RBM34: variants seen among roughly 807,000 people sequenced by gnomAD.
RBM34 encodes RNA-binding protein 34.
A neutral mutation model predicts 44.6 loss-of-function variants in RBM34; 39 were observed. That is an observed-to-expected ratio of 0.87 (90% CI 0.68 to 1.14). RBM34 has a LOEUF of 1.14. RBM34 is among the 50% of genes most tolerant of loss of function. RBM34 has a pLI of 0.00. For missense variants in RBM34, 572 were observed against 517.9 expected, an observed-to-expected ratio of 1.10 and a Z score of -1.01; for synonymous variants, 194 against 184.0, an observed-to-expected ratio of 1.05 and a Z score of -0.44.
In RBM34 at chr1:235,144,102, AGGT is replaced by A. The variant is rs1407431515; in HGVS notation, c.701+4299_701+4301del. On this transcript the variant is annotated intron_variant, in intron 6 of 10. Coordinates refer to ENST00000408888, the MANE Select transcript of RBM34 (RefSeq NM_015014.4). Reference sequence around the variant, plus strand: ...TGAGGCAGAAGGACTGCTTGAGCCCAGGTGATAAGGCTGCCGTGAGCCATTATC... The same window carrying A: ...TGAGGCAGAAGGACTGCTTGAGCCCAGATAAGGCTGCCGTGAGCCATTATC... Among the ~76,000 whole-genome samples, 4 of 152,130 alleles carry A rather than the reference AGGT, an allele frequency of 2.6e-5. No individual in the cohort carries two copies. In the East Asian group the frequency reaches 7.8e-4, roughly 29 times the overall value.
In RBM34 at chr1:235,155,842, T is replaced by TACATAC. The variant is rs1553275336; in HGVS notation, c.366-731_366-730insGTATGT. On this transcript the variant is annotated intron_variant, in intron 3 of 10. Coordinates refer to ENST00000408888, the MANE Select transcript of RBM34 (RefSeq NM_015014.4). ...ATATACATATATATATATATATATA[T>TACATAC]ATATATATATATATATATATATATA... Among the ~76,000 whole-genome samples, 38 of 26,300 alleles carry TACATAC rather than the reference T, an allele frequency of 1.4e-3. 1 individual carries two copies. The highest frequency in any genetic ancestry group is 6.7e-3 in the African/African-American group (37 of 5,556). 17.3% of individuals were successfully genotyped at this position (26,300 alleles called of 152,430 possible). A position where few individuals can be genotyped will look rare whatever the true frequency, so the allele number is the denominator to read the frequency against.
chr1:235,161,045 G>C lies in RBM34; in HGVS notation c.76C>G (p.Arg26Gly). The change falls in exon 2 of 11, where the codon CGC becomes GGC. Residue 26 changes from arginine to glycine, a missense_variant. By Grantham distance (125) the Arg-to-Gly change is moderately radical. Transcript: ENST00000408888. ...QEGENPDDGV[R>G]GSPPEDYRLG... ...CTGTAGTCTTCCGGCGGACTCCCGC[G>C]AACGCCGTCGTCAGGATTCTCTCTA... 2.5e-6 allele frequency: 4 copies of C among 1,613,892 alleles called. No individual in the cohort carries two copies. Among genetic ancestry groups the C allele is most frequent in the Non-Finnish European group, 3.4e-6 (4 of 1,179,850 alleles).
At chr1:235,152,955 G>A (rs1194591269) in intron 4 of RBM34, among the ~76,000 whole-genome samples, 190 bp from the exon 5 acceptor site, 9 of 145,220 alleles carry the variant, frequency 6.2e-5, no homozygotes, top group Non-Finnish European at 1.2e-4. Flanking sequence ...TGCAACCTCC[G>A]CCCCCACGGC....
At chr1:235,148,854 T>C (rs1218781250) in intron 5 of RBM34, among the ~76,000 whole-genome samples, 3 of 151,752 alleles carry the variant, frequency 2.0e-5, no homozygotes, top group Non-Finnish European at 4.4e-5. Context: ...CACCTTGGCC[T>C]CCCAAAGTGC....
At position 235,147,621 on chromosome 1, in the gene RBM34, G is replaced by T. The variant is rs971887994; in HGVS notation, c.701+783C>A. On this transcript the variant is annotated intron_variant, in intron 6 of 10. Coordinates refer to ENST00000408888, the MANE Select transcript of RBM34 (RefSeq NM_015014.4). Reference sequence around the variant, plus strand: ...ATGAGGAAAAACCGGCGAAGACCTGGTCGGCCAAATAACTCCAAATGAAGA... The same window carrying T: ...ATGAGGAAAAACCGGCGAAGACCTGTTCGGCCAAATAACTCCAAATGAAGA... Among the ~76,000 whole-genome samples, 8 of 152,240 alleles carry T rather than the reference G, an allele frequency of 5.3e-5. No homozygotes were observed. The East Asian group carries it at 1.5e-3, about 29-fold the overall frequency.
At chr1:235,150,866 G>A (rs937789137) in intron 5 of RBM34, among the ~76,000 whole-genome samples, 4 of 152,154 alleles carry the variant, frequency 2.6e-5, no homozygotes, top group African/African-American at 9.7e-5. Flanking sequence ...TAGAGACTGG[G>A]GAGAATCAAG....
chr1:235,158,494 C>T (rs1415085833), intron 3 of RBM34, among the ~76,000 whole-genome samples: 1 of 73,932 alleles, frequency 1.4e-5, no homozygotes, highest in Non-Finnish European at 2.7e-5. Context: ...GGCACAGTCC[C>T]TAAAAAGGCA....
intron 6 of RBM34, among the ~76,000 whole-genome samples, chr1:235,148,030 G>A (rs947435448): frequency 1.3e-5 from 2 of 152,126 alleles, no homozygotes; most frequent in African/African-American, 4.8e-5. Flanking sequence ...TCACAGGCTG[G>A]CAGTATACCC....
chr1:235,149,461 T>C (rs1438787724), intron 5 of RBM34, among the ~76,000 whole-genome samples: 1 of 152,006 alleles, frequency 6.6e-6, no homozygotes, highest in African/African-American at 2.4e-5. Flanking sequence ...TATCGTGTAT[T>C]CTAATAAATT....
chr1:235,146,199 G>A (rs1383886794), intron 6 of RBM34, among the ~76,000 whole-genome samples: 7 of 151,970 alleles, frequency 4.6e-5, no homozygotes, highest in Non-Finnish European at 1.0e-4. Flanking sequence ...GCCCACCTTG[G>A]CCTCTAATGG....
intron 10 of RBM34, among the ~76,000 whole-genome samples, chr1:235,134,745 G>GT (rs775688608): frequency 0.012 from 1,580 of 136,798 alleles, 10 homozygotes; most frequent in South Asian, 0.021. Context: ...TCGTTTTCGG[G>GT]TTTTTTTTTT....
At chr1:235,160,751 G>C in intron 2 of RBM34, 104 bp from the exon 3 acceptor site, 2 of 1,494,596 alleles carry the variant, frequency 1.3e-6, no homozygotes, top group South Asian at 2.5e-5. Flanking sequence ...TCTCTCACTG[G>C]TATGTAAGAG....
At chr1:235,145,147 A>G (rs1024982074) in intron 6 of RBM34, among the ~76,000 whole-genome samples, 1 of 152,236 alleles carries the variant, frequency 6.6e-6, no homozygotes, top group Non-Finnish European at 1.5e-5. Context: ...CCACAGATCA[A>G]TAAGACTAAT....
At chr1:235,137,828 T>C (rs1661490279) in intron 8 of RBM34, 49 bp downstream of exon 8, 3 of 1,410,482 alleles carry the variant, frequency 2.1e-6, no homozygotes, top group Non-Finnish European at 2.9e-6. Context: ...GAAGGAAACA[T>C]TTCTCTCTAC....
At position 235,135,699 on chromosome 1, in the gene RBM34, C is replaced by T. The variant is rs1298112732; in HGVS notation, c.961G>A (p.Asp321Asn). 1 of 1,614,248 alleles carries T rather than the reference C, an allele frequency of 6.2e-7. No individual in the cohort carries two copies. The highest frequency in any genetic ancestry group is 1.7e-5 in the Admixed American group (1 of 60,032). ...CCTTTGCCGATGCCTGTCATTTTGT[C>T]TCTCACAATCCTCACGGCCATGATA... is the stretch of plus-strand genomic sequence containing the variant. Reference protein sequence around the residue: ...GSIMAVRIVRDKMTGIGKGFG... With the variant: ...GSIMAVRIVRNKMTGIGKGFG... Residue 321 changes from aspartate (D) to asparagine (N), a missense_variant, in exon 10 of 11, where the codon GAC (aspartate) becomes AAC (asparagine). Asp to Asn is a conservative substitution (Grantham distance 23). Coordinates refer to ENST00000408888, the MANE Select transcript of RBM34 (RefSeq NM_015014.4).
intron 10 of RBM34, among the ~76,000 whole-genome samples, chr1:235,135,049 G>GT (rs796789432): frequency 0.018 from 2,156 of 122,118 alleles, 44 homozygotes; most frequent in African/African-American, 0.051. Flanking sequence ...TGGCCGGTTT[G>GT]TTTTTTTTTT....
chr1:235,159,952 C>T (rs1662625785), intron 3 of RBM34, among the ~76,000 whole-genome samples: 1 of 151,850 alleles, frequency 6.6e-6, no homozygotes, highest in South Asian at 2.1e-4. Flanking sequence ...TTTCATTTTG[C>T]TTCCAAATAA....
At chr1:235,143,284 T>C (rs902106448) in intron 6 of RBM34, among the ~76,000 whole-genome samples, 2 of 152,348 alleles carry the variant, frequency 1.3e-5, no homozygotes, top group Admixed American at 6.5e-5. Context: ...TACAAACACT[T>C]TGGAAAACAA....
At chr1:235,158,031 G>A (rs1042408257) in intron 3 of RBM34, among the ~76,000 whole-genome samples, 1 of 151,484 alleles carries the variant, frequency 6.6e-6, no homozygotes, top group Admixed American at 6.6e-5. Flanking sequence ...AGCAAACAGA[G>A]ACATGCAATT....
Sources: gnomAD v4.1 joint callset for allele counts (sites outside exome capture counted in the v4.1 genomes callset) on GRCh38, gnomAD v4.1.1 for gene constraint, MANE v1.5 for transcripts, NCBI Gene and HGNC (gene_info 2026-07-23, HGNC 2026-07-21) for gene names.